The following PRMT8 variants were observed in gnomAD, a reference collection of about 807,000 sequenced individuals.
The protein encoded by PRMT8 is protein arginine N-methyltransferase 8.
PRMT8 carries 7 observed loss-of-function variants against 47.1 expected under a neutral mutation model. That is an observed-to-expected ratio of 0.15 (90% CI 0.08 to 0.28). PRMT8 has a LOEUF of 0.28. Among genes scored for constraint, PRMT8 ranks in the 10% least tolerant of loss-of-function variants. The probability of loss-of-function intolerance (pLI) is 1.00; values close to 1 mark genes in which losing one functional copy is unlikely to be tolerated. For missense variants in PRMT8, 237 were observed against 505.4 expected, an observed-to-expected ratio of 0.47 and a Z score of 5.09; for synonymous variants, 188 against 186.5, an observed-to-expected ratio of 1.01 and a Z score of -0.07.
chr12:3,458,484 G>A (rs781559205), intron 1 of PRMT8, among the ~76,000 whole-genome samples: 2 of 152,174 alleles, frequency 1.3e-5, no homozygotes, highest in Non-Finnish European at 2.9e-5. Context: ...CCAGGGCCAC[G>A]CACCACAGGT....
At chr12:3,577,891 C>T (rs16930576) in intron 7 of PRMT8, among the ~76,000 whole-genome samples, 3,011 of 152,238 alleles carry the variant, frequency 0.02, 93 homozygotes, top group African/African-American at 0.068. Context: ...ATTAAAAATT[C>T]AAACATGTCC....
chr12:3,443,864 G>A (rs1864829855), intron 1 of PRMT8, among the ~76,000 whole-genome samples: 1 of 152,138 alleles, frequency 6.6e-6, no homozygotes. Flanking sequence ...TTTTGTGTCT[G>A]TCCCCCAAGT....
At chr12:3,589,716 A>C (rs1357857956) in intron 8 of PRMT8, among the ~76,000 whole-genome samples, 1 of 152,196 alleles carries the variant, frequency 6.6e-6, no homozygotes, top group Non-Finnish European at 1.5e-5. Flanking sequence ...TAACCCTTTG[A>C]TGTTGATATC....
chr12:3,427,172 A>G (rs978058235), intron 1 of PRMT8, among the ~76,000 whole-genome samples: 1 of 152,196 alleles, frequency 6.6e-6, no homozygotes, highest in African/African-American at 2.4e-5. Context: ...TATGATTTTT[A>G]TACCAGATAA....
chr12:3,586,961 GCT>G (rs1867190571), intron 8 of PRMT8, among the ~76,000 whole-genome samples: 3 of 152,304 alleles, frequency 2.0e-5, no homozygotes, highest in Admixed American at 2.0e-4. Flanking sequence ...CAGCGTGGGG[GCT>G]CTGTTTCTAG....
At chr12:3,496,214 A>ATATATATAT in intron 1 of PRMT8, among the ~76,000 whole-genome samples, 26 of 27,776 alleles carry the variant, frequency 9.4e-4, no homozygotes, top group South Asian at 2.6e-3. Context: ...ATATATATAT[A>ATATATATAT]TTTTTTTTTT....
chr12:3,509,890 G>A (rs533486780), intron 1 of PRMT8, among the ~76,000 whole-genome samples: 4 of 152,308 alleles, frequency 2.6e-5, no homozygotes, highest in Admixed American at 2.0e-4. Context: ...ACAGATTTTC[G>A]CATAGACAAG....
At chr12:3,496,210 A>ATTTTTT (rs1565423219) in intron 1 of PRMT8, among the ~76,000 whole-genome samples, 3 of 10,574 alleles carry the variant, frequency 2.8e-4, no homozygotes, top group Non-Finnish European at 3.7e-4. Flanking sequence ...ATATATATAT[A>ATTTTTT]TATATTTTTT....
At chr12:3,546,708 A>G (rs1866333521) in intron 2 of PRMT8, among the ~76,000 whole-genome samples, 1 of 152,226 alleles carries the variant, frequency 6.6e-6, no homozygotes, top group Admixed American at 6.5e-5. Context: ...AACTCCAGGC[A>G]TATATGGTTT....
chr12:3,424,299 T>A lies in PRMT8; in HGVS notation c.48+42857T>A, dbSNP rs561764694. 2.0e-5 allele frequency among the ~76,000 whole-genome samples: 3 copies of A among 152,328 alleles called. No homozygotes were observed. The East Asian group carries it at 5.8e-4, about 29-fold the overall frequency. On this transcript the variant is annotated intron_variant, in intron 1 of 9. Transcript: ENST00000452611. ...TATTACTAGCTCTAAGGGGTTACAT[T>A]GTCCCTTAGTACAGGAAGGGCTACT...
At position 3,569,381 on chromosome 12, in the gene PRMT8, G is replaced by A. The variant is rs909525638; in HGVS notation, c.625-96G>A. On this transcript the variant is annotated intron_variant, in intron 5 of 9. Coordinates refer to ENST00000382622, the MANE Select transcript of PRMT8 (RefSeq NM_019854.5). This position sits in a 1 kb window ranked among gnomAD's most constrained non-coding sequence, Gnocchi z 8.2. The stretch of plus-strand genomic sequence containing the variant: ...CACTGCATGAGAGATGGTGGCAAGG[G>A]GGTGCTTGTCTGGTGACTCTATGTG... The A allele has an allele frequency of 3.9e-5, 39 of 995,428 alleles. No homozygotes were observed. Among genetic ancestry groups the A allele is most frequent in the Middle Eastern group, 2.0e-4 (1 of 4,886 alleles). 61.7% of individuals were successfully genotyped at this position (995,428 alleles called of 1,614,324 possible). A position where few individuals can be genotyped will look rare whatever the true frequency, so the allele number is the denominator to read the frequency against.
Position 3,453,762 on chromosome 12 carries a change from C to T in PRMT8, c.48+72320C>T, listed in dbSNP as rs1864945543. ...CCCTGTGGTCTGTGTCCTGACGTGG[C>T]CCGACTGTGGACCCCCTTGTCCTCC... On this transcript the variant is annotated intron_variant, in intron 1 of 9. Coordinates refer to the PRMT8 transcript ENST00000452611. This position sits in a 1 kb window ranked among gnomAD's most constrained non-coding sequence, Gnocchi z 4.9. Among the ~76,000 whole-genome samples, 1 of 151,998 alleles carries T rather than the reference C, an allele frequency of 6.6e-6. No homozygotes were observed. The highest frequency in any genetic ancestry group is 2.1e-4 in the South Asian group (1 of 4,806).
intron 1 of PRMT8, among the ~76,000 whole-genome samples, chr12:3,473,371 C>G (rs1294178735): frequency 6.6e-6 from 1 of 152,186 alleles, no homozygotes; most frequent in African/African-American, 2.4e-5. Context: ...GAACGGTCTC[C>G]TGTTTCGACT....
At chr12:3,473,106 C>T (rs1865176310) in intron 1 of PRMT8, among the ~76,000 whole-genome samples, 1 of 152,170 alleles carries the variant, frequency 6.6e-6, no homozygotes, top group Admixed American at 6.5e-5. Flanking sequence ...AAACTGTGGC[C>T]TCATCATCAC....
rs1268914672 is a variant in PRMT8 at position 3,538,640 on chromosome 12, C to T, written c.76-1966C>T. Reference sequence around the variant, plus strand: ...AGACCAGCTCCGACTTTTTCCTCTCCTTCACATATTTAAATGGAGTCGATA... The same window carrying T: ...AGACCAGCTCCGACTTTTTCCTCTCTTTCACATATTTAAATGGAGTCGATA... On this transcript the variant is annotated intron_variant, in intron 1 of 9. Transcript: ENST00000382622. This position sits in a 1 kb window ranked among gnomAD's most constrained non-coding sequence, Gnocchi z 4.6. 3.9e-6 allele frequency: 2 copies of T among 519,002 alleles called. No individual in the cohort carries two copies. Among genetic ancestry groups the T allele is most frequent in the Non-Finnish European group, 3.8e-6 (1 of 259,878 alleles). The allele number at this position is 519,002 out of a possible 1,614,324, so 32.1% of individuals were successfully genotyped here.
intron 1 of PRMT8, among the ~76,000 whole-genome samples, chr12:3,395,059 C>A (rs1864234735): frequency 6.6e-6 from 1 of 151,164 alleles, no homozygotes; most frequent in South Asian, 2.1e-4. Flanking sequence ...GTGGTGATAT[C>A]CCCTTTATCA....
At chr12:3,473,299 G>A (rs950562393) in intron 1 of PRMT8, among the ~76,000 whole-genome samples, 3 of 151,866 alleles carry the variant, frequency 2.0e-5, no homozygotes, top group African/African-American at 7.3e-5. Flanking sequence ...CAACAGACAC[G>A]GCTTCTCAGG....
intron 4 of PRMT8, among the ~76,000 whole-genome samples, chr12:3,556,823 C>G (rs1165996146): frequency 1.3e-5 from 2 of 151,960 alleles, no homozygotes; most frequent in African/African-American, 4.8e-5. Context: ...TTTTGCCCTG[C>G]CCAGTGGAGG....
chr12:3,444,275 C>T (rs2137075888), intron 1 of PRMT8, among the ~76,000 whole-genome samples: 1 of 152,270 alleles, frequency 6.6e-6, no homozygotes, highest in East Asian at 1.9e-4. Flanking sequence ...ATGCAGTGCC[C>T]TCCTGGCCTA....
Sources: allele counts gnomAD v4.1 joint callset (sites outside exome capture counted in the v4.1 genomes callset), GRCh38; gene constraint gnomAD v4.1.1; non-coding constraint Gnocchi (gnomAD v3.1); transcripts MANE v1.5; gene names NCBI Gene and HGNC (gene_info 2026-07-23, HGNC 2026-07-21).